Variants in SERPINE2 observed in about 807,000 individuals in gnomAD.
SERPINE2 encodes the protein serpin family E member 2.
Under a neutral mutation model 36.3 loss-of-function variants are expected in SERPINE2, and 14 were observed. That is an observed-to-expected ratio of 0.39 (90% CI 0.25 to 0.60). The LOEUF (loss-of-function observed/expected upper bound fraction) is 0.60, where lower values mean the gene tolerates loss of function less well. SERPINE2 is among the 20% of genes least tolerant of loss of function. The pLI is 0.57. For synonymous variants in SERPINE2, 192 were observed against 191.8 expected (o/e 1.00, Z -0.01); for missense variants, 418 against 499.6 (o/e 0.84, Z 1.56).
chr2:224,037,486 C>G (rs1160486343), intron 1 of SERPINE2, among the ~76,000 whole-genome samples: 3 of 152,162 alleles, frequency 2.0e-5, no homozygotes, highest in Non-Finnish European at 4.4e-5. Flanking sequence ...ATGGAAGACA[C>G]TGGATTTGAG....
chr2:223,976,650 A>C (rs559402671), intron 8 of SERPINE2, among the ~76,000 whole-genome samples: 2 of 152,264 alleles, frequency 1.3e-5, no homozygotes, highest in African/African-American at 2.4e-5. Context: ...TACCAACAAG[A>C]AGCCAACCTC....
At chr2:224,036,402 G>C (rs2106207945) in intron 1 of SERPINE2, among the ~76,000 whole-genome samples, 1 of 151,180 alleles carries the variant, frequency 6.6e-6, no homozygotes, top group Middle Eastern at 3.4e-3. Context: ...GAGAAACCTA[G>C]TGGGTATCCA....
intron 1 of SERPINE2, among the ~76,000 whole-genome samples, chr2:224,031,728 T>C (rs1692383535): frequency 6.6e-6 from 1 of 151,424 alleles, no homozygotes; most frequent in Non-Finnish European, 1.5e-5. Flanking sequence ...ACTAAGCCAA[T>C]CAGAATTCCT....
At chr2:223,985,568 C>T (rs1001866901) in intron 4 of SERPINE2, among the ~76,000 whole-genome samples, 1 of 152,158 alleles carries the variant, frequency 6.6e-6, no homozygotes, top group African/African-American at 2.4e-5. Context: ...GACAGGGATA[C>T]AGAGCATCCA....
At chr2:223,995,520 G>A (rs1004687080) in intron 3 of SERPINE2, among the ~76,000 whole-genome samples, 18 of 152,178 alleles carry the variant, frequency 1.2e-4, no homozygotes, top group African/African-American at 1.9e-4. Flanking sequence ...ATACCCCACC[G>A]GATCTCTGCA....
At chr2:223,984,559 C>A (rs1417613672) in intron 5 of SERPINE2, among the ~76,000 whole-genome samples, 193 bp downstream of exon 5, 1 of 152,184 alleles carries the variant, frequency 6.6e-6, no homozygotes, top group Non-Finnish European at 1.5e-5. Context: ...CCATATCTTA[C>A]CATACAGGAA....
intron 1 of SERPINE2, among the ~76,000 whole-genome samples, chr2:224,021,221 T>A (rs1691986231): frequency 6.6e-6 from 1 of 152,194 alleles, no homozygotes; most frequent in African/African-American, 2.4e-5. Context: ...AAAGGGTGGG[T>A]GAAGGCAGCA....
At chr2:223,977,426 G>T in intron 8 of SERPINE2, 118 bp downstream of exon 8, 1 of 712,940 alleles carries the variant, frequency 1.4e-6, no homozygotes, top group Non-Finnish European at 2.6e-6. Flanking sequence ...CAAAGTGTCT[G>T]CAACTATTGA....
intron 3 of SERPINE2, among the ~76,000 whole-genome samples, chr2:223,997,581 C>G (rs1350686009): frequency 6.6e-6 from 1 of 152,186 alleles, no homozygotes; most frequent in African/African-American, 2.4e-5. Flanking sequence ...AGAAGAGACA[C>G]TTACAAATGA....
intron 1 of SERPINE2, among the ~76,000 whole-genome samples, chr2:224,004,484 G>A (rs6436451): frequency 0.68 from 103,164 of 151,994 alleles, 35,536 homozygotes; most frequent in Non-Finnish European, 0.74. Flanking sequence ...TGGGCTCAAC[G>A]GGCCAGCGTG....
intron 6 of SERPINE2, 121 bp downstream of exon 6, chr2:223,982,560 T>C: frequency 1.9e-6 from 1 of 531,784 alleles, no homozygotes. Context: ...ATGTATCAAA[T>C]GAAACCTTGT....
chr2:223,994,806 G>A (rs938440080), intron 3 of SERPINE2, among the ~76,000 whole-genome samples: 6 of 152,132 alleles, frequency 3.9e-5, no homozygotes, highest in African/African-American at 1.4e-4. Context: ...TGCTTTCTAT[G>A]TATTATTCAC....
chr2:223,989,365 G>A (rs1053113503), intron 4 of SERPINE2, among the ~76,000 whole-genome samples: 5 of 152,212 alleles, frequency 3.3e-5, no homozygotes, highest in South Asian at 2.1e-4. Context: ...ATAGTGAGGC[G>A]TGGCTGAGGC....
Position 224,039,042 on chromosome 2 carries a change from C to G in SERPINE2, c.-23+57G>C, listed in dbSNP as rs1284195249. 1 of 151,418 alleles carries G rather than the reference C, an allele frequency of 6.6e-6. No individual in the cohort carries two copies. Among genetic ancestry groups the G allele is most frequent in the South Asian group, 2.1e-4 (1 of 4,830 alleles). The allele number at this position is 151,418 out of a possible 1,614,324, so 9.4% of individuals were successfully genotyped here. ...TGGCGCGCGGAGCCCCGGGGAGCGT[C>G]CCCCGCCGAGGGCAGCGCCGGCCGC... On this transcript the variant is annotated intron_variant, in intron 1 of 8. Coordinates refer to ENST00000409304, the MANE Select transcript of SERPINE2 (RefSeq NM_001136528.2). This position sits in a 1 kb window ranked among gnomAD's most constrained non-coding sequence, Gnocchi z 5.2.
At chr2:223,979,321 A>G (rs1215418656) in intron 7 of SERPINE2, 2 of 152,238 alleles carry the variant, frequency 1.3e-5, no homozygotes, top group African/African-American at 4.8e-5. Flanking sequence ...AATAACTTTT[A>G]GATGTTACTT....
At position 223,975,704 on chromosome 2, in the gene SERPINE2, C is replaced by T. The variant is rs1277586464; in HGVS notation, c.*163G>A. On this transcript the variant is annotated 3_prime_UTR_variant, in exon 9 of 9. Transcript: ENST00000409304. ...TCCTGCTTGTTTTTTCCCTCCAATA[C>T]CTCCCAGAACAGAAACACTTGCATC... 1.7e-5 allele frequency: 9 copies of T among 542,724 alleles called. No homozygotes were observed. The highest frequency in any genetic ancestry group is 2.8e-5 in the East Asian group (1 of 35,844). The allele number at this position is 542,724 out of a possible 1,614,324, so 33.6% of individuals were successfully genotyped here.
chr2:224,021,752 A>G lies in SERPINE2; in HGVS notation c.-23+17347T>C, dbSNP rs1382300575. ...ATCTGAATTTAAAGTTAAGGCGGGT[A>G]CAGTGGATCACACCTGTAATCCCAA... On this transcript the variant is annotated intron_variant, in intron 1 of 8. Transcript: ENST00000409304. Among the ~76,000 whole-genome samples the G allele has an allele frequency of 2.0e-5, 3 of 152,376 alleles. No homozygotes were observed. The East Asian group carries it at 5.8e-4, about 29-fold the overall frequency.
chr2:224,024,994 G>A (rs1320058464), intron 1 of SERPINE2, among the ~76,000 whole-genome samples: 1 of 152,144 alleles, frequency 6.6e-6, no homozygotes, highest in Non-Finnish European at 1.5e-5. Flanking sequence ...CCCAACAATG[G>A]GGCTGGTGAG....
intron 1 of SERPINE2, chr2:224,031,103 T>C (rs2106202176): frequency 1.0e-6 from 1 of 985,400 alleles, no homozygotes; most frequent in East Asian, 1.1e-4. Flanking sequence ...CTCAAGAAGG[T>C]ATAAACATTG....
Sources: gnomAD v4.1 joint callset for allele counts (sites outside exome capture counted in the v4.1 genomes callset) on GRCh38, gnomAD v4.1.1 for gene constraint, Gnocchi (gnomAD v3.1) non-coding constraint, MANE v1.5 for transcripts, NCBI Gene and HGNC (gene_info 2026-07-23, HGNC 2026-07-21) for gene names.